POFUT3: variants seen among roughly 807,000 people sequenced by gnomAD.
POFUT3 encodes GDP-fucose protein O-fucosyltransferase 3.
At chr8:33,447,443 C>G in the POFUT3 span, among the ~76,000 whole-genome samples, 1 of 121,634 alleles carries the variant, frequency 8.2e-6, no homozygotes, top group African/African-American at 3.6e-5. Flanking sequence ...GGCAAGACTC[C>G]ATCTCAAAGG....
the POFUT3 span, chr8:33,461,575 A>C: frequency 6.4e-7 from 1 of 1,553,260 alleles, no homozygotes; most frequent in East Asian, 2.4e-5. Context: ...CTGCACTGCC[A>C]TTCCTGCTGG....
chr8:33,379,889 C>A, the POFUT3 span, among the ~76,000 whole-genome samples: 255 of 115,346 alleles, frequency 2.2e-3, 7 homozygotes, highest in African/African-American at 8.7e-3. Flanking sequence ...ATATATATAA[C>A]ATACATATAC....
chr8:33,348,259 A>G, the POFUT3 span, among the ~76,000 whole-genome samples: 9 of 152,164 alleles, frequency 5.9e-5, no homozygotes, highest in South Asian at 1.7e-3. Flanking sequence ...GAGACAAGGA[A>G]CATACTGTCT....
At chr8:33,454,793 A>C in the POFUT3 span, among the ~76,000 whole-genome samples, 2 of 151,812 alleles carry the variant, frequency 1.3e-5, no homozygotes, top group Non-Finnish European at 2.9e-5. Flanking sequence ...CAGCCTCCCA[A>C]GTAGCTGGGA....
At chr8:33,436,738 T>C in the POFUT3 span, 14 of 650,226 alleles carry the variant, frequency 2.2e-5, no homozygotes, top group Non-Finnish European at 3.8e-5. Flanking sequence ...CAGGGCCTCC[T>C]CCTTGCAGCA....
the POFUT3 span, among the ~76,000 whole-genome samples, chr8:33,409,766 G>C: frequency 6.6e-6 from 1 of 152,126 alleles, no homozygotes; most frequent in Non-Finnish European, 1.5e-5. Context: ...TTAGCCGGGC[G>C]TGGTGGTACA....
chr8:33,466,451 A>G, the POFUT3 span, among the ~76,000 whole-genome samples: 1 of 151,564 alleles, frequency 6.6e-6, no homozygotes, highest in South Asian at 2.1e-4. Flanking sequence ...AAAAGAAGGA[A>G]AGGAAAGAGA....
At chr8:33,439,143 C>A in the POFUT3 span, among the ~76,000 whole-genome samples, 2 of 152,180 alleles carry the variant, frequency 1.3e-5, no homozygotes, top group African/African-American at 2.4e-5. Context: ...TGGTGGCTCA[C>A]GCCTGTAATC....
the POFUT3 span, among the ~76,000 whole-genome samples, chr8:33,455,086 G>A: frequency 1.1e-4 from 17 of 152,140 alleles, no homozygotes; most frequent in African/African-American, 4.1e-4. Flanking sequence ...AATTAAAGTA[G>A]TCATAACATG....
At chr8:33,389,407 C>T in the POFUT3 span, 2 of 1,614,186 alleles carry the variant, frequency 1.2e-6, no homozygotes, top group Non-Finnish European at 8.5e-7. Flanking sequence ...CTGGATTTTT[C>T]AGCTGCTGAG....
the POFUT3 span, chr8:33,452,602 A>C: frequency 6.6e-6 from 1 of 152,138 alleles, no homozygotes; most frequent in Non-Finnish European, 1.5e-5. Flanking sequence ...AAACTTTTTT[A>C]AAAGTTTTAA....
At chr8:33,399,211 T>C in the POFUT3 span, among the ~76,000 whole-genome samples, 3 of 152,258 alleles carry the variant, frequency 2.0e-5, no homozygotes, top group Non-Finnish European at 4.4e-5. Flanking sequence ...GCTCTATACA[T>C]GTCAATTAGT....
the POFUT3 span, among the ~76,000 whole-genome samples, chr8:33,442,508 T>A: frequency 2.1e-5 from 3 of 146,058 alleles, no homozygotes; most frequent in Admixed American, 2.0e-4. Context: ...ATGGTCTCCA[T>A]GTCCTGACCT....
chr8:33,436,420 A>G, the POFUT3 span: 24 of 1,439,346 alleles, frequency 1.7e-5, no homozygotes, highest in Non-Finnish European at 2.2e-5. Context: ...CTTGGCTGGA[A>G]GCTCCTTATT....
At chr8:33,461,592 G>A in the POFUT3 span, 1 of 1,539,828 alleles carries the variant, frequency 6.5e-7, no homozygotes, top group South Asian at 1.2e-5. Flanking sequence ...CTGGGACCAG[G>A]TCTCCATGAA....
the POFUT3 span, among the ~76,000 whole-genome samples, chr8:33,317,360 C>G: frequency 6.6e-6 from 1 of 152,210 alleles, no homozygotes; most frequent in South Asian, 2.1e-4. Flanking sequence ...CTTGAGGGGT[C>G]TGAAGGAAGT....
chr8:33,424,130 C>T, the POFUT3 span, among the ~76,000 whole-genome samples: 1 of 148,590 alleles, frequency 6.7e-6, no homozygotes, highest in African/African-American at 2.5e-5. Flanking sequence ...CAGAGAAAGA[C>T]TCCATTTCAA....
At chr8:33,467,315 T>C in the POFUT3 span, among the ~76,000 whole-genome samples, 1 of 143,322 alleles carries the variant, frequency 7.0e-6, no homozygotes, top group Non-Finnish European at 1.5e-5. Context: ...TTAATCAAGG[T>C]GTGGCCAGAG....
chr8:33,308,683 C>T, the POFUT3 span, among the ~76,000 whole-genome samples: 1 of 152,126 alleles, frequency 6.6e-6, no homozygotes, highest in East Asian at 1.9e-4. Flanking sequence ...TCAATCTATT[C>T]CTATACATTA....
Sources: allele counts gnomAD v4.1 joint callset (sites outside exome capture counted in the v4.1 genomes callset), GRCh38; gene constraint gnomAD v4.1.1; transcripts MANE v1.5; gene names NCBI Gene and HGNC (gene_info 2026-07-23, HGNC 2026-07-21).